TNS3: variants seen among roughly 807,000 people sequenced by gnomAD.
TNS3 encodes the protein tensin 3.
In TNS3, 45 loss-of-function variants were observed where a neutral mutation model predicts 140.9. That is an observed-to-expected ratio of 0.32 (90% CI 0.25 to 0.41). The LOEUF (loss-of-function observed/expected upper bound fraction) is 0.41. Ranked by LOEUF, TNS3 falls within the 10% of genes least tolerant of loss-of-function variation. The pLI, the probability that TNS3 is intolerant of heterozygous loss-of-function variation, is 1.00. For synonymous variants in TNS3, 815 were observed against 788.4 expected (o/e 1.03, Z -0.56); for missense variants, 1,716 against 1,906.7 (o/e 0.90, Z 1.86).
chr7:47,436,912 G>C (rs1052489915), intron 7 of TNS3, among the ~76,000 whole-genome samples: 1 of 151,978 alleles, frequency 6.6e-6, no homozygotes, highest in Non-Finnish European at 1.5e-5. Flanking sequence ...CTATACACAC[G>C]ATGCCGAGAA....
intron 3 of TNS3, among the ~76,000 whole-genome samples, chr7:47,494,386 G>A (rs1416958082): frequency 6.6e-6 from 1 of 152,170 alleles, no homozygotes; most frequent in East Asian, 1.9e-4. Context: ...CTTTTTAGAA[G>A]TAAAGAAACC....
At chr7:47,346,808 G>A (rs1789372871) in intron 17 of TNS3, among the ~76,000 whole-genome samples, 1 of 152,186 alleles carries the variant, frequency 6.6e-6, no homozygotes, top group African/African-American at 2.4e-5. Context: ...AGCATGGCCC[G>A]ACTATGATAA....
At chr7:47,443,268 T>A (rs1223397027) in intron 4 of TNS3, among the ~76,000 whole-genome samples, 2 of 152,198 alleles carry the variant, frequency 1.3e-5, no homozygotes, top group African/African-American at 2.4e-5. Flanking sequence ...CTGAGGTAAT[T>A]CTGTCAATGG....
intron 15 of TNS3, 124 bp from the exon 16 acceptor site, chr7:47,397,028 C>G (rs114022602): frequency 2.9e-6 from 2 of 685,738 alleles, no homozygotes; most frequent in Non-Finnish European, 5.2e-6. Flanking sequence ...CTCCATCCTC[C>G]ACCCTCCTGC....
chr7:47,496,066 A>T (rs1797996850), intron 3 of TNS3, among the ~76,000 whole-genome samples: 1 of 152,190 alleles, frequency 6.6e-6, no homozygotes. Flanking sequence ...CCAGAAGCCC[A>T]GAGGTGAAGA....
At chr7:47,343,480 T>C in intron 20 of TNS3, among the ~76,000 whole-genome samples, 1 of 152,190 alleles carries the variant, frequency 6.6e-6, no homozygotes, top group East Asian at 1.9e-4. Context: ...GTTTTGGTGT[T>C]GCAGGAGAAG....
chr7:47,289,588 T>C (rs2150592169), intron 27 of TNS3, among the ~76,000 whole-genome samples: 1 of 152,342 alleles, frequency 6.6e-6, no homozygotes. Flanking sequence ...GGTCAACTGC[T>C]TTCCTACAGA....
In TNS3 at chr7:47,277,864, G is replaced by T. The variant is rs1784936959; in HGVS notation, c.*212C>A. 3 of 673,998 alleles carry T rather than the reference G, an allele frequency of 4.5e-6. No homozygotes were observed. In the African/African-American group the frequency reaches 5.3e-5, roughly 12 times the overall value. 41.8% of individuals were successfully genotyped at this position (673,998 alleles called of 1,614,324 possible). On this transcript the variant is annotated 3_prime_UTR_variant, in exon 31 of 31. Coordinates refer to ENST00000311160, the MANE Select transcript of TNS3 (RefSeq NM_022748.12). ...TCTACCCAAAAAGCATGTGGCTACA[G>T]AGATGTGTCAGATAAGTCACTTTCA...
chr7:47,358,609 G>A (rs1181516517), intron 17 of TNS3, among the ~76,000 whole-genome samples: 4 of 152,220 alleles, frequency 2.6e-5, no homozygotes, highest in African/African-American at 7.2e-5. Flanking sequence ...GGCAGAAGCC[G>A]TGGGAGCCGG....
chr7:47,557,040 T>C (rs1584854842), intron 1 of TNS3: 2 of 456,588 alleles, frequency 4.4e-6, no homozygotes, highest in Non-Finnish European at 8.8e-6. Flanking sequence ...ACCTGACCTG[T>C]GCAGGGTGTG....
intron 23 of TNS3, among the ~76,000 whole-genome samples, chr7:47,299,692 C>T (rs1584345316): frequency 6.6e-6 from 1 of 152,166 alleles, no homozygotes; most frequent in Admixed American, 6.5e-5. Flanking sequence ...TGCAAGGGGG[C>T]TGTGCTCTCC....
intron 2 of TNS3, among the ~76,000 whole-genome samples, chr7:47,514,544 G>A (rs1432215839): frequency 6.6e-6 from 1 of 151,856 alleles, no homozygotes; most frequent in East Asian, 1.9e-4. Context: ...TTTCCCTCTG[G>A]TCTCCTTTCT....
At chr7:47,500,380 G>T (rs959236509) in intron 3 of TNS3, among the ~76,000 whole-genome samples, 1 of 152,236 alleles carries the variant, frequency 6.6e-6, no homozygotes, top group Non-Finnish European at 1.5e-5. Context: ...GGCAGAGCCC[G>T]TGCTGGCCGC....
At position 47,369,290 on chromosome 7, in the gene TNS3, A is replaced by C; in HGVS notation, c.1356T>G (p.Ser452Arg). 6.2e-7 allele frequency: 1 copy of C among 1,614,154 alleles called. No individual in the cohort carries two copies. The highest frequency in any genetic ancestry group is 8.5e-7 in the Non-Finnish European group (1 of 1,180,036). ...GGGCTGGCACCACGTGGCGGGTCCCACTGTACTTGCTTCGAGCATCAGTCA... is the reference window on the plus strand; with the variant it reads ...GGGCTGGCACCACGTGGCGGGTCCCCCTGTACTTGCTTCGAGCATCAGTCA... ...KEMTDARSKY[S>R]GTRHVVPAQV... The change falls in exon 17 of 31, where the codon AGT becomes AGG. Residue 452 changes from serine to arginine, a missense_variant. Around this residue, in one of 3 missense-constraint regions of TNS3, gnomAD observed 1,163 missense variants for 1,182.1 expected, o/e 0.98. Coordinates refer to ENST00000311160, the MANE Select transcript of TNS3 (RefSeq NM_022748.12).
chr7:47,301,073 C>A (rs1015167252), intron 23 of TNS3, among the ~76,000 whole-genome samples: 1 of 152,224 alleles, frequency 6.6e-6, no homozygotes, highest in Admixed American at 6.5e-5. Context: ...CTATTCATTT[C>A]TAGGCATTCC....
intron 20 of TNS3, among the ~76,000 whole-genome samples, chr7:47,323,199 A>C (rs1409369175): frequency 6.6e-6 from 1 of 152,176 alleles, no homozygotes; most frequent in Non-Finnish European, 1.5e-5. Flanking sequence ...ATCCTGTTTT[A>C]CCTGGCACTG....
intron 12 of TNS3, among the ~76,000 whole-genome samples, chr7:47,412,944 T>G (rs1300105060): frequency 1.3e-5 from 2 of 152,130 alleles, no homozygotes; most frequent in Non-Finnish European, 2.9e-5. Context: ...AATGCCAGTT[T>G]TTTTGTTGTT....
chr7:47,359,922 A>T (rs1790218910), intron 17 of TNS3, among the ~76,000 whole-genome samples: 1 of 152,172 alleles, frequency 6.6e-6, no homozygotes, highest in Non-Finnish European at 1.5e-5. Flanking sequence ...TCAAAGTCCC[A>T]GAAGGCCCAG....
intron 20 of TNS3, among the ~76,000 whole-genome samples, chr7:47,328,460 C>G (rs923300227): frequency 6.6e-6 from 1 of 152,194 alleles, no homozygotes; most frequent in East Asian, 1.9e-4. Flanking sequence ...AAGGCACAAG[C>G]GGCAGGACCT....
Sources: allele counts gnomAD v4.1 joint callset (sites outside exome capture counted in the v4.1 genomes callset), GRCh38; gene constraint gnomAD v4.1.1; regional missense constraint gnomAD v4.1.1; transcripts MANE v1.5; gene names NCBI Gene and HGNC (gene_info 2026-07-23, HGNC 2026-07-21).